DNAH11: variants seen among roughly 807,000 people sequenced by gnomAD.
DNAH11 encodes the protein axonemal beta dynein heavy chain 11.
In DNAH11, 442 loss-of-function variants were observed where a neutral mutation model predicts 526.0. The observed-to-expected ratio is 0.84, with a 90% CI of 0.78 to 0.91. DNAH11 has a LOEUF of 0.91. DNAH11 is among the 40% of genes least tolerant of loss of function. DNAH11 has a pLI of 0.00. For missense variants in DNAH11, 6,989 were observed against 5,448.7 expected (o/e 1.28, Z -8.90); for synonymous variants, 2,461 against 1,935.9 (o/e 1.27, Z -7.12).
intron 1 of DNAH11, among the ~76,000 whole-genome samples, chr7:21,544,279 G>T (rs991355596): frequency 6.6e-6 from 1 of 152,130 alleles, no homozygotes; most frequent in Non-Finnish European, 1.5e-5. Flanking sequence ...TTTAAGTAGC[G>T]CAATGCTCAG....
intron 46 of DNAH11, among the ~76,000 whole-genome samples, 194 bp from the exon 47 acceptor site, chr7:21,738,507 G>A (rs1404113591): frequency 6.6e-6 from 1 of 152,176 alleles, no homozygotes; most frequent in East Asian, 1.9e-4. Context: ...GGCAACAGGA[G>A]GGAGATTGGC....
chr7:21,743,446 C>T (rs74992897), intron 49 of DNAH11, among the ~76,000 whole-genome samples: 65 of 152,040 alleles, frequency 4.3e-4, no homozygotes, highest in East Asian at 3.9e-3. Flanking sequence ...TTTTTAAATC[C>T]GACTAATGTG....
rs374415657 is a variant in DNAH11 at position 21,900,031 on chromosome 7, G to A, written c.13214G>A (p.Arg4405His). 2.4e-5 allele frequency: 38 copies of A among 1,613,790 alleles called. No homozygotes were observed. In the East Asian group the frequency reaches 2.9e-4, roughly 12 times the overall value. Residue 4405 changes from arginine to histidine, a missense_variant, in exon 81 of 82, where the codon CGC becomes CAC. Arg to His is a conservative substitution (Grantham distance 29). Transcript: ENST00000409508. The stretch of plus-strand genomic sequence containing the variant: ...AATGAGTGGCCCCTGGATAAAACGC[G>A]CTTGACTGCTGATGTTACCAAAAAA... Reference protein sequence around the residue: ...RKNEWPLDKTRLTADVTKKTK... With the variant: ...RKNEWPLDKTHLTADVTKKTK...
intron 68 of DNAH11, among the ~76,000 whole-genome samples, chr7:21,859,252 T>C (rs1224823126): frequency 6.6e-6 from 1 of 152,172 alleles, no homozygotes; most frequent in Non-Finnish European, 1.5e-5. Context: ...TAACTGGGAC[T>C]ACAGGCACCC....
At chr7:21,728,237 CTTTTTTTTTTTTTTTTTTTTTTT>C (rs71026816) in intron 45 of DNAH11, among the ~76,000 whole-genome samples, 2 of 58,870 alleles carry the variant, frequency 3.4e-5, no homozygotes, top group African/African-American at 1.5e-4. Flanking sequence ...GCCCACAATT[CTTTTTTTTTTTTTTTTTTTTTTT>C]TTTTTTTTTT....
intron 54 of DNAH11, among the ~76,000 whole-genome samples, chr7:21,763,206 G>A (rs1451646539): frequency 5.9e-5 from 9 of 151,846 alleles, no homozygotes; most frequent in Admixed American, 5.9e-4. Context: ...GCCTGGCGTG[G>A]TGGCAAGTGT....
chr7:21,599,946 T>C lies in DNAH11; in HGVS notation c.2827T>C (p.Phe943Leu). 1 of 1,613,630 alleles carries C rather than the reference T, an allele frequency of 6.2e-7. No individual in the cohort carries two copies. Among genetic ancestry groups the C allele is most frequent in the Non-Finnish European group, 8.5e-7 (1 of 1,179,758 alleles). Residue 943 changes from phenylalanine (F) to leucine (L), a missense_variant, in exon 15 of 82, where the codon TTT (phenylalanine) becomes CTT (leucine). Physicochemically the swap from Phe to Leu is conservative, Grantham distance 22. Coordinates refer to ENST00000409508, the MANE Select transcript of DNAH11 (RefSeq NM_001277115.2). ...NTEKQLKPAP[F>L]FQAQMILLPP... is the part of the protein sequence containing the mutation. Reference sequence around the variant, plus strand: ...AGAGAAACAATTGAAACCGGCACCGTTTTTTCAAGCACAAATGATCTTGTT... The same window carrying C: ...AGAGAAACAATTGAAACCGGCACCGCTTTTTCAAGCACAAATGATCTTGTT...
chr7:21,601,501 G>T lies in DNAH11; in HGVS notation c.3531G>T (p.Leu1177=). The T allele has an allele frequency of 6.2e-7, 1 of 1,613,784 alleles. No homozygotes were observed. Among genetic ancestry groups the T allele is most frequent in the Non-Finnish European group, 8.5e-7 (1 of 1,179,806 alleles). The stretch of plus-strand genomic sequence containing the variant: ...TAGTTGACATCATGGTGCATCTTCT[G>T]GCTGTAAGAAGCCGACAGAGAGCTA... ...DGLVDIMVHL[L]AVRSRQRATD... is the part of the protein sequence containing the mutation. The change falls in exon 18 of 82, where the codon CTG becomes CTT. Residue 1177 remains leucine, a synonymous_variant. Coordinates refer to ENST00000409508, the MANE Select transcript of DNAH11 (RefSeq NM_001277115.2).
intron 51 of DNAH11, 76 bp downstream of exon 51, chr7:21,745,139 A>C: frequency 1.4e-6 from 2 of 1,439,302 alleles, no homozygotes; most frequent in Non-Finnish European, 1.9e-6. Flanking sequence ...TTTTCAATAG[A>C]TCATACTAAG....
At chr7:21,554,552 G>A (rs969814064) in intron 2 of DNAH11, among the ~76,000 whole-genome samples, 7 of 152,042 alleles carry the variant, frequency 4.6e-5, no homozygotes, top group African/African-American at 1.4e-4. Flanking sequence ...TGCCCAGCAG[G>A]TTGTTACCTC....
intron 14 of DNAH11, among the ~76,000 whole-genome samples, chr7:21,598,301 T>C (rs1201386157): frequency 1.3e-5 from 2 of 152,166 alleles, no homozygotes; most frequent in African/African-American, 4.8e-5. Flanking sequence ...GTTTAGCCAC[T>C]CAGCCTCTCT....
intron 14 of DNAH11, among the ~76,000 whole-genome samples, chr7:21,593,928 C>T (rs1784778571): frequency 6.6e-6 from 1 of 151,826 alleles, no homozygotes; most frequent in Admixed American, 6.6e-5. Flanking sequence ...CTAACACACA[C>T]ACACTCTCTT....
At chr7:21,848,615 C>T (rs1179626425) in intron 66 of DNAH11, among the ~76,000 whole-genome samples, 1 of 151,914 alleles carries the variant, frequency 6.6e-6, no homozygotes, top group Non-Finnish European at 1.5e-5. Context: ...TGGGTGCTCA[C>T]TCTCACTCGC....
intron 66 of DNAH11, among the ~76,000 whole-genome samples, chr7:21,851,807 A>G (rs1015425528): frequency 6.6e-6 from 1 of 152,090 alleles, no homozygotes; most frequent in Non-Finnish European, 1.5e-5. Flanking sequence ...TGTATGTAGG[A>G]AGAATTGTTG....
At chr7:21,750,478 A>G in intron 54 of DNAH11, 114 bp downstream of exon 54, 1 of 1,395,460 alleles carries the variant, frequency 7.2e-7, no homozygotes, top group Non-Finnish European at 9.7e-7. Flanking sequence ...TTTTGAAAGG[A>G]CGTGTGCATT....
rs992996461 is a variant in DNAH11, at chr7:21,876,764, A to G, written c.12195+3263A>G. On this transcript the variant is annotated intron_variant, in intron 74 of 81. Transcript: ENST00000409508. ...GAAGAAGAAACAAACAAGATGACAA[A>G]AGGAAAAGGACGGTGTTTGCTTTGT... 9.2e-5 allele frequency among the ~76,000 whole-genome samples: 14 copies of G among 152,328 alleles called. No individual in the cohort carries two copies. The East Asian group carries it at 2.7e-3, about 29-fold the overall frequency.
chr7:21,614,890 G>A (rs1003446646), intron 20 of DNAH11, among the ~76,000 whole-genome samples: 3 of 152,170 alleles, frequency 2.0e-5, no homozygotes, highest in Admixed American at 6.5e-5. Flanking sequence ...TATAGGGACA[G>A]TATTGTTGAA....
intron 42 of DNAH11, among the ~76,000 whole-genome samples, chr7:21,714,729 A>G (rs1383964243): frequency 2.0e-5 from 3 of 152,178 alleles, no homozygotes; most frequent in Non-Finnish European, 2.9e-5. Flanking sequence ...TTTTCCTGCA[A>G]TCACTAACCA....
rs16872908 is a variant in DNAH11 at position 21,743,615 on chromosome 7, G to A, written c.8155-823G>A. 5.6e-3 allele frequency among the ~76,000 whole-genome samples: 847 copies of A among 152,264 alleles called. 11 individuals are homozygous for A. Among genetic ancestry groups the A allele is most frequent in the African/African-American group, 0.019 (799 of 41,540 alleles). On this transcript the variant is annotated intron_variant, in intron 49 of 81. Transcript: ENST00000409508. ...CCTCAAAACCATAACACAGCATTAG[G>A]CAGTAGCTTCTTATGAACACGGAGC...
Sources: allele counts gnomAD v4.1 joint callset (sites outside exome capture counted in the v4.1 genomes callset), GRCh38; gene constraint gnomAD v4.1.1; transcripts MANE v1.5; gene names NCBI Gene and HGNC (gene_info 2026-07-23, HGNC 2026-07-21).